Variants in CPA6 observed in about 807,000 individuals in gnomAD.
CPA6 encodes the protein carboxypeptidase B.
In CPA6, 58 loss-of-function variants were observed where a neutral mutation model predicts 63.3. The ratio of observed to expected loss-of-function variants is 0.92; its 90% CI spans 0.74 to 1.14. The LOEUF is 1.14. Among genes scored for constraint, CPA6 ranks in the 50% most tolerant of loss-of-function variants. CPA6 has a pLI of 0.00. For synonymous variants in CPA6, 185 were observed against 179.0 expected, an observed-to-expected ratio of 1.03 and a Z score of -0.27; for missense variants, 565 against 526.6, an observed-to-expected ratio of 1.07 and a Z score of -0.71.
Position 67,434,105 on chromosome 8 carries a change from G to A in CPA6, c.974C>T (p.Ala325Val), listed in dbSNP as rs756744382. 2 of 1,613,838 alleles carry A rather than the reference G, an allele frequency of 1.2e-6. No individual in the cohort carries two copies. Reference sequence around the variant, plus strand: ...GGGATACAGTAACATCTGAGCATATGCATGAAAGGAGAGATAAGCCCTAAT... The same window carrying A: ...GGGATACAGTAACATCTGAGCATATACATGAAAGGAGAGATAAGCCCTAAT... ...KHIRAYLSFH[A>V]YAQMLLYPYS... is the part of the protein sequence containing the mutation. The change falls in exon 9 of 11, where the codon GCA becomes GTA. Residue 325 changes from alanine (A) to valine (V), a missense_variant. Physicochemically the swap from Ala to Val is moderately conservative, Grantham distance 64. Transcript: ENST00000297770.
chr8:67,658,118 C>T (rs1816029983), intron 1 of CPA6, among the ~76,000 whole-genome samples: 1 of 152,166 alleles, frequency 6.6e-6, no homozygotes, highest in Non-Finnish European at 1.5e-5. Flanking sequence ...TCTTCCCTAC[C>T]TTACTGGTCT....
chr8:67,746,083 G>A lies in CPA6; in HGVS notation c.47C>T (p.Pro16Leu). The change falls in exon 1 of 11, where the codon CCT becomes CTT. Residue 16 changes from proline to leucine, a missense_variant. By Grantham distance (98) the Pro-to-Leu change is moderately conservative. Coordinates refer to ENST00000297770, the MANE Select transcript of CPA6 (RefSeq NM_020361.5). Reference protein sequence around the residue: ...KRRGQAAAFLPLCWLFLKILQ... With the variant: ...KRRGQAAAFLLLCWLFLKILQ... ...AATCTTCAAAAAGAGCCAGCAAAGA[G>A]GCAGGAAAGCAGCTGCCTGGCCCCT... 1 of 1,613,958 alleles carries A rather than the reference G, an allele frequency of 6.2e-7. No homozygotes were observed. Among genetic ancestry groups the A allele is most frequent in the Non-Finnish European group, 8.5e-7 (1 of 1,179,900 alleles).
chr8:67,736,790 G>A (rs764279668), intron 1 of CPA6, among the ~76,000 whole-genome samples: 5 of 152,196 alleles, frequency 3.3e-5, no homozygotes, highest in Non-Finnish European at 7.3e-5. Flanking sequence ...TTTATAGGCA[G>A]CTCAAACAAT....
intron 1 of CPA6, among the ~76,000 whole-genome samples, chr8:67,632,003 G>A (rs1252291448): frequency 6.6e-6 from 1 of 152,164 alleles, no homozygotes; most frequent in East Asian, 1.9e-4. Context: ...CACTCACCGC[G>A]AGGGTCCGTG....
intron 2 of CPA6, among the ~76,000 whole-genome samples, chr8:67,554,000 A>G (rs540982174): frequency 6.0e-4 from 91 of 152,178 alleles, no homozygotes; most frequent in African/African-American, 1.4e-3. Flanking sequence ...CTACTTATCT[A>G]TTTACCACTG....
At chr8:67,636,135 G>C (rs1332826844) in intron 1 of CPA6, among the ~76,000 whole-genome samples, 1 of 151,488 alleles carries the variant, frequency 6.6e-6, no homozygotes, top group Non-Finnish European at 1.5e-5. Context: ...TTAAGGGAAG[G>C]ATTATTTAAA....
intron 1 of CPA6, among the ~76,000 whole-genome samples, chr8:67,673,570 T>C (rs1816401839): frequency 6.7e-6 from 1 of 149,920 alleles, no homozygotes; most frequent in South Asian, 2.1e-4. Flanking sequence ...TTTTTTGTAT[T>C]TTTAGTAGAG....
chr8:67,568,315 C>A (rs1813394502), intron 2 of CPA6, among the ~76,000 whole-genome samples: 1 of 151,758 alleles, frequency 6.6e-6, no homozygotes, highest in African/African-American at 2.4e-5. Context: ...AGCAATGGAC[C>A]CTAGAGAAAG....
At chr8:67,652,845 T>G (rs1261208450) in intron 1 of CPA6, among the ~76,000 whole-genome samples, 1 of 151,498 alleles carries the variant, frequency 6.6e-6, no homozygotes, top group African/African-American at 2.4e-5. Flanking sequence ...ATTGCCTAGG[T>G]TTTCTTCTAG....
intron 1 of CPA6, among the ~76,000 whole-genome samples, chr8:67,694,161 G>T (rs1816866775): frequency 6.6e-6 from 1 of 152,216 alleles, no homozygotes; most frequent in Non-Finnish European, 1.5e-5. Context: ...TCTGTAACAG[G>T]CCAGGCAGCT....
chr8:67,536,141 C>T (rs1197970958), intron 2 of CPA6, among the ~76,000 whole-genome samples: 4 of 152,130 alleles, frequency 2.6e-5, no homozygotes, highest in Admixed American at 2.6e-4. Flanking sequence ...ATGCCTCCAG[C>T]TTTGTTGTTT....
At chr8:67,655,217 A>G (rs527642688) in intron 1 of CPA6, among the ~76,000 whole-genome samples, 1 of 152,268 alleles carries the variant, frequency 6.6e-6, no homozygotes, top group East Asian at 1.9e-4. Flanking sequence ...CATTCTAATA[A>G]AAAGACAGTA....
chr8:67,631,008 C>T (rs1050763848), intron 1 of CPA6, among the ~76,000 whole-genome samples: 18 of 152,236 alleles, frequency 1.2e-4, no homozygotes, highest in Admixed American at 3.9e-4. Flanking sequence ...AGCCCCGCTC[C>T]CCTACTCCTG....
At chr8:67,662,060 C>A (rs1163969478) in intron 1 of CPA6, among the ~76,000 whole-genome samples, 1 of 152,120 alleles carries the variant, frequency 6.6e-6, no homozygotes, top group East Asian at 1.9e-4. Flanking sequence ...TTCACCACCA[C>A]CCCCTCCTAA....
chr8:67,475,804 T>TC lies in CPA6; in HGVS notation c.838+7963dup, dbSNP rs1392520252. Among the ~76,000 whole-genome samples, 586 of 58,784 alleles carry TC rather than the reference T, an allele frequency of 1.0e-2. 11 individuals carry two copies. Among genetic ancestry groups the TC allele is most frequent in the African/African-American group, 0.027 (246 of 9,128 alleles). The allele number at this position is 58,784 out of a possible 152,430, so 38.6% of individuals were successfully genotyped here. ...TTCTTTCTTTCTTTCTTTCTTTCTT[T>TC]CTTTCTTTCTTTCCTTTCTTTTCTT... On this transcript the variant is annotated intron_variant, in intron 8 of 10. Transcript: ENST00000297770.
At chr8:67,424,978 A>T (rs1262775966) in intron 10 of CPA6, among the ~76,000 whole-genome samples, 1 of 152,154 alleles carries the variant, frequency 6.6e-6, no homozygotes, top group Non-Finnish European at 1.5e-5. Context: ...ATCTGATCCT[A>T]CCACATAGTG....
At chr8:67,698,412 C>G (rs1223151368) in intron 1 of CPA6, among the ~76,000 whole-genome samples, 2 of 152,076 alleles carry the variant, frequency 1.3e-5, no homozygotes, top group African/African-American at 4.8e-5. Flanking sequence ...TTCTCAAGGC[C>G]CTCTTTTTTC....
intron 1 of CPA6, among the ~76,000 whole-genome samples, chr8:67,699,018 G>T (rs1029540988): frequency 7.2e-5 from 11 of 152,196 alleles, no homozygotes; most frequent in African/African-American, 2.7e-4. Flanking sequence ...AAGGAAAAAG[G>T]CCTGGAAGAA....
At chr8:67,595,332 T>A (rs1477246860) in intron 2 of CPA6, among the ~76,000 whole-genome samples, 1 of 152,018 alleles carries the variant, frequency 6.6e-6, no homozygotes, top group Non-Finnish European at 1.5e-5. Flanking sequence ...GGGTCAGGGG[T>A]CAGGGACCCA....
Sources: allele counts gnomAD v4.1 joint callset (sites outside exome capture counted in the v4.1 genomes callset), GRCh38; gene constraint gnomAD v4.1.1; transcripts MANE v1.5; gene names NCBI Gene and HGNC (gene_info 2026-07-23, HGNC 2026-07-21).